Variants in IPO9 observed in about 807,000 individuals in gnomAD.
The protein encoded by IPO9 is importin-9.
IPO9 carries 28 observed loss-of-function variants against 128.6 expected under a neutral mutation model. The ratio of observed to expected loss-of-function variants is 0.22; its 90% confidence interval spans 0.16 to 0.30. IPO9 has a LOEUF of 0.30. IPO9 is among the 10% of genes least tolerant of loss of function. The pLI is 1.00. For synonymous variants in IPO9, 455 were observed against 475.8 expected (o/e 0.96, Z 0.57); for missense variants, 935 against 1,293.9 (o/e 0.72, Z 4.26).
At chr1:201,860,634 T>A (rs1054076128) in intron 13 of IPO9, among the ~76,000 whole-genome samples, 6 of 152,250 alleles carry the variant, frequency 3.9e-5, no homozygotes, top group African/African-American at 7.2e-5. Flanking sequence ...CATTTGTTAA[T>A]CCTACCTGTA....
chr1:201,856,962 C>T (rs1680340146), intron 10 of IPO9, 134 bp from the exon 11 acceptor site: 2 of 675,132 alleles, frequency 3.0e-6, no homozygotes, highest in Non-Finnish European at 2.7e-6. Flanking sequence ...GTCAGGATTA[C>T]AGTTGTGAGC....
At chr1:201,856,488 A>G (rs895450323) in intron 10 of IPO9, among the ~76,000 whole-genome samples, 5 of 152,214 alleles carry the variant, frequency 3.3e-5, no homozygotes, top group Admixed American at 3.3e-4. Flanking sequence ...ATCAGACTTA[A>G]TCTATTCAGA....
intron 19 of IPO9, among the ~76,000 whole-genome samples, chr1:201,872,261 C>T (rs1680667011): frequency 6.6e-6 from 1 of 152,104 alleles, no homozygotes; most frequent in Non-Finnish European, 1.5e-5. Flanking sequence ...GGCTTCCTAA[C>T]TTTTTATCCT....
At chr1:201,861,090 C>T (rs1239802009) in intron 13 of IPO9, among the ~76,000 whole-genome samples, 1 of 152,152 alleles carries the variant, frequency 6.6e-6, no homozygotes, top group Non-Finnish European at 1.5e-5. Context: ...TGCTTGAACC[C>T]AGGAGGCGGA....
chr1:201,870,846 C>A lies in IPO9; in HGVS notation c.2397C>A (p.Leu799=). The A allele has an allele frequency of 6.2e-7, 1 of 1,610,612 alleles. No individual in the cohort carries two copies. Among genetic ancestry groups the A allele is most frequent in the South Asian group, 1.1e-5 (1 of 91,012 alleles). Residue 799 remains leucine, a synonymous_variant, in exon 18 of 24, where the codon CTC becomes CTA. Coordinates refer to ENST00000361565, the MANE Select transcript of IPO9 (RefSeq NM_018085.5). The surrounding 1 kb of genome is among the most constrained non-coding windows in gnomAD (Gnocchi z 4.9). ...GTAAGATGCAGCAGGCAGAGACGCTCAGTGTCATGCAGGTAAGAGAGCAGT... is the reference window on the plus strand; with the variant it reads ...GTAAGATGCAGCAGGCAGAGACGCTAAGTGTCATGCAGGTAAGAGAGCAGT... ...ILSKMQQAET[L]SVMQSLIMVF...
chr1:201,884,042 G>A lies in IPO9; in HGVS notation c.*7988G>A, dbSNP rs977459396. The A allele has an allele frequency of 6.6e-6, 1 of 152,252 alleles. No individual in the cohort carries two copies. Among genetic ancestry groups the A allele is most frequent in the Admixed American group, 6.5e-5 (1 of 15,282 alleles). The allele number at this position is 152,252 out of a possible 1,614,324, so 9.4% of individuals were successfully genotyped here. ...AGAGGAAGCCAAGACCAGAGGGGGA[G>A]TGGTTCCTTCAAGTTTGCAGAACCA... On this transcript the variant is annotated 3_prime_UTR_variant, in exon 24 of 24. Transcript: ENST00000361565.
Position 201,829,231 on chromosome 1 carries a change from G to T in IPO9, c.22G>T (p.Gly8Cys). Residue 8 changes from glycine to cysteine, a missense_variant, in exon 1 of 24, where the codon GGT (glycine) becomes TGT (cysteine). Gly to Cys is a radical substitution (Grantham distance 159, BLOSUM62 -3). Around this residue, in one of 3 missense-constraint regions of IPO9, gnomAD observed 741 missense variants for 1,019.1 expected, o/e 0.73. Coordinates refer to ENST00000361565, the MANE Select transcript of IPO9 (RefSeq NM_018085.5). MAAAAAAGAASGLPGPVA... is the reference protein window; with the variant it reads MAAAAAACAASGLPGPVA... ...AAAGATGGCGGCGGCGGCGGCAGCT[G>T]GTGCGGCCTCCGGGCTGCCGGGTCC... 3.2e-6 allele frequency: 5 copies of T among 1,568,436 alleles called. No homozygotes were observed. Among genetic ancestry groups the T allele is most frequent in the Non-Finnish European group, 3.4e-6 (4 of 1,161,824 alleles).
rs1348195209 is a variant in IPO9, at chr1:201,877,680, T to TA, written c.*1627dup. 2 of 152,148 alleles carry TA rather than the reference T, an allele frequency of 1.3e-5. No individual in the cohort carries two copies. Among genetic ancestry groups the TA allele is most frequent in the African/African-American group, 4.8e-5 (2 of 41,424 alleles). 9.4% of individuals were successfully genotyped at this position (152,148 alleles called of 1,614,324 possible). On this transcript the variant is annotated 3_prime_UTR_variant, in exon 24 of 24. Transcript: ENST00000361565. ...GTGTCACACCTGTAATCCCAGCACT[T>TA]ACGGAGGCCGAAGCCAGCGGATCAC...
At chr1:201,866,629 G>T in intron 14 of IPO9, 104 bp from the exon 15 acceptor site, 1 of 823,222 alleles carries the variant, frequency 1.2e-6, no homozygotes. Flanking sequence ...TTTAGAATTA[G>T]CTTTATAAAG....
At chr1:201,856,142 T>G (rs1265859343) in intron 10 of IPO9, among the ~76,000 whole-genome samples, 1 of 150,650 alleles carries the variant, frequency 6.6e-6, no homozygotes, top group East Asian at 1.9e-4. Context: ...TTTTTTTTTT[T>G]TTTTTTCCCA....
At chr1:201,829,400 T>C in intron 1 of IPO9, 28 bp downstream of exon 1, 1 of 1,532,228 alleles carries the variant, frequency 6.5e-7, no homozygotes, top group Admixed American at 2.0e-5. Context: ...GTCACGAGGA[T>C]GGCTCAGCCG....
intron 10 of IPO9, among the ~76,000 whole-genome samples, chr1:201,856,190 C>T (rs1200076864): frequency 1.4e-5 from 2 of 141,458 alleles, no homozygotes; most frequent in African/African-American, 5.3e-5. Context: ...CTAGTAGTCT[C>T]TAACTCCTGG....
chr1:201,848,583 G>T lies in IPO9; in HGVS notation c.503G>T (p.Arg168Leu). Residue 168 changes from arginine to leucine, a missense_variant, in exon 4 of 24, where the codon CGT becomes CTT. By Grantham distance (102) the Arg-to-Leu change is moderately radical (BLOSUM62 -2). Transcript: ENST00000361565. ...TTAAATGCCGTCCATGGAGCCATGC[G>T]TGTGCTGACAGGTACCAGAAGCCCT... ...GDLNAVHGAM[R>L]VLTEFTREVT... is the part of the protein sequence containing the mutation. 1 of 1,613,856 alleles carries T rather than the reference G, an allele frequency of 6.2e-7. No individual in the cohort carries two copies. The highest frequency in any genetic ancestry group is 8.5e-7 in the Non-Finnish European group (1 of 1,179,962).
At chr1:201,857,303 A>G (rs1419800488) in intron 11 of IPO9, 109 bp downstream of exon 11, 2 of 710,676 alleles carry the variant, frequency 2.8e-6, no homozygotes, top group Non-Finnish European at 4.9e-6. Flanking sequence ...GGGTGGCTTT[A>G]TCTCAGACTT....
chr1:201,852,301 A>G (rs1680234727), intron 5 of IPO9, 109 bp downstream of exon 5: 3 of 635,368 alleles, frequency 4.7e-6, no homozygotes, highest in South Asian at 2.0e-5. Context: ...CCTAAAAACT[A>G]GAACTGACAA....
rs921932021 is a variant in IPO9, at chr1:201,848,610, T to C, written c.514+16T>C. ...GTGCTGACAGGTACCAGAAGCCCTTTTCCCTGGTATTGGTACTTGGATCTC... is the reference window on the plus strand; with the variant it reads ...GTGCTGACAGGTACCAGAAGCCCTTCTCCCTGGTATTGGTACTTGGATCTC... On this transcript the variant is annotated intron_variant, in intron 4 of 23. Coordinates refer to ENST00000361565, the MANE Select transcript of IPO9 (RefSeq NM_018085.5). 1.2e-6 allele frequency: 2 copies of C among 1,612,160 alleles called. No homozygotes were observed. Among genetic ancestry groups the C allele is most frequent in the Admixed American group, 3.3e-5 (2 of 59,994 alleles).
rs531207786 is a variant in IPO9 at position 201,854,523 on chromosome 1, G to A, written c.691-72G>A. ...AGCTTTAGGTGCCTTTCAAATATCA[G>A]TGTTTGATATATATGTGTTGAAGCC... On this transcript the variant is annotated intron_variant, in intron 6 of 23. Transcript: ENST00000361565. 96 of 1,562,872 alleles carry A rather than the reference G, an allele frequency of 6.1e-5. No homozygotes were observed. In the African/African-American group the frequency reaches 1.3e-3, roughly 21 times the overall value.
At chr1:201,857,564 G>A (rs1680355211) in intron 11 of IPO9, among the ~76,000 whole-genome samples, 1 of 152,154 alleles carries the variant, frequency 6.6e-6, no homozygotes, top group East Asian at 1.9e-4. Flanking sequence ...GGGAGGCCGA[G>A]GCGGGCAGAT....
rs1393344700 is a variant in IPO9 at position 201,879,194 on chromosome 1, C to T, written c.*3140C>T. ...GAGAATGAACCTACAACAAATGACC[C>T]AAAAGCACCTAAATAAGAGTGACGA... On this transcript the variant is annotated 3_prime_UTR_variant, in exon 24 of 24. Transcript: ENST00000361565. The T allele has an allele frequency of 6.6e-6, 1 of 152,180 alleles. No individual in the cohort carries two copies. Among genetic ancestry groups the T allele is most frequent in the Non-Finnish European group, 1.5e-5 (1 of 68,042 alleles). The allele number at this position is 152,180 out of a possible 1,614,324, so 9.4% of individuals were successfully genotyped here.
Sources: allele counts gnomAD v4.1 joint callset (sites outside exome capture counted in the v4.1 genomes callset), GRCh38; gene constraint gnomAD v4.1.1; regional missense constraint gnomAD v4.1.1; non-coding constraint Gnocchi (gnomAD v3.1); transcripts MANE v1.5; gene names NCBI Gene and HGNC (gene_info 2026-07-23, HGNC 2026-07-21).